Variants in EXT1 observed in about 807,000 individuals in gnomAD.
EXT1 encodes exostosin glycosyltransferase 1.
Under a neutral mutation model 82.5 loss-of-function variants are expected in EXT1, and 20 were observed. The ratio of observed to expected loss-of-function variants is 0.24; its 90% CI spans 0.17 to 0.35. EXT1 has a LOEUF of 0.35. Among genes scored for constraint, EXT1 ranks in the 10% least tolerant of loss-of-function variants. EXT1 has a pLI of 1.00. For synonymous variants in EXT1, 348 were observed against 350.8 expected, an observed-to-expected ratio of 0.99 and a Z score of 0.09; for missense variants, 757 against 936.5, an observed-to-expected ratio of 0.81 and a Z score of 2.50.
At chr8:118,028,926 G>GA in intron 1 of EXT1, among the ~76,000 whole-genome samples, 2 of 150,700 alleles carry the variant, frequency 1.3e-5, no homozygotes, top group Middle Eastern at 3.4e-3. Flanking sequence ...CCATCTCAAA[G>GA]AAAAAAAATA....
In EXT1 at chr8:117,796,076, C is replaced by T. The variant is rs1428906193; in HGVS notation, c.*3636G>A. 1 of 152,198 alleles carries T rather than the reference C, an allele frequency of 6.6e-6. No individual in the cohort carries two copies. The highest frequency in any genetic ancestry group is 2.4e-5 in the African/African-American group (1 of 41,446). 9.4% of individuals were successfully genotyped at this position (152,198 alleles called of 1,614,324 possible). ...GGAACTAGGTAAATGAATTCAGCAACTGCGGTCCTGATGTACTGGCTGCAT... is the reference window on the plus strand; with the variant it reads ...GGAACTAGGTAAATGAATTCAGCAATTGCGGTCCTGATGTACTGGCTGCAT... On this transcript the variant is annotated 3_prime_UTR_variant, in exon 11 of 11. Coordinates refer to ENST00000378204, the MANE Select transcript of EXT1 (RefSeq NM_000127.3).
chr8:118,071,999 A>C lies in EXT1; in HGVS notation c.962+38086T>G, dbSNP rs968459182. On this transcript the variant is annotated intron_variant, in intron 1 of 10. Transcript: ENST00000378204. Reference sequence around the variant, plus strand: ...GAAGCCAGGATGAAAATCTAGGTTCACTTCCCAGAATGCAACACTGCCTCT... The same window carrying C: ...GAAGCCAGGATGAAAATCTAGGTTCCCTTCCCAGAATGCAACACTGCCTCT... Among the ~76,000 whole-genome samples, 9 of 152,282 alleles carry C rather than the reference A, an allele frequency of 5.9e-5. No individual in the cohort carries two copies. The South Asian group carries it at 1.9e-3, about 32-fold the overall frequency.
At chr8:117,964,833 T>C (rs1333137174) in intron 1 of EXT1, among the ~76,000 whole-genome samples, 1 of 152,080 alleles carries the variant, frequency 6.6e-6, no homozygotes. Context: ...AGACAGGGTT[T>C]CCCTATAGTG....
intron 1 of EXT1, among the ~76,000 whole-genome samples, chr8:117,855,393 C>A (rs1296348929): frequency 6.6e-6 from 1 of 152,140 alleles, no homozygotes; most frequent in African/African-American, 2.4e-5. Flanking sequence ...TATTTCAAAA[C>A]TTTTATTGTT....
At chr8:117,964,165 T>C (rs186348267) in intron 1 of EXT1, among the ~76,000 whole-genome samples, 2 of 152,336 alleles carry the variant, frequency 1.3e-5, no homozygotes, top group East Asian at 3.9e-4. Flanking sequence ...ATTTACATTA[T>C]CTTTAAAGAT....
chr8:117,924,229 C>T (rs17475659), intron 1 of EXT1, among the ~76,000 whole-genome samples: 3,179 of 152,270 alleles, frequency 0.021, 47 homozygotes, highest in Middle Eastern at 0.048. Flanking sequence ...TGACTGCCCA[C>T]CATATGTATG....
chr8:117,874,050 A>C (rs1411757787), intron 1 of EXT1, among the ~76,000 whole-genome samples: 2 of 152,160 alleles, frequency 1.3e-5, no homozygotes, highest in African/African-American at 2.4e-5. Flanking sequence ...TAGCCTCAGC[A>C]TTAGTGTAGG....
chr8:117,959,049 T>A (rs1814643635), intron 1 of EXT1, among the ~76,000 whole-genome samples: 1 of 152,204 alleles, frequency 6.6e-6, no homozygotes, highest in Admixed American at 6.5e-5. Flanking sequence ...AAGGGGCCCT[T>A]GTTTGAACTC....
At chr8:118,023,603 G>A (rs1434993804) in intron 1 of EXT1, among the ~76,000 whole-genome samples, 5 of 152,144 alleles carry the variant, frequency 3.3e-5, no homozygotes, top group African/African-American at 1.2e-4. Flanking sequence ...AAAAATAAAT[G>A]AGGACCACGT....
At chr8:117,821,648 A>G (rs1471318627) in intron 5 of EXT1, among the ~76,000 whole-genome samples, 1 of 152,212 alleles carries the variant, frequency 6.6e-6, no homozygotes, top group Non-Finnish European at 1.5e-5. Context: ...CTAAACATGT[A>G]CAACTTAAAA....
chr8:117,813,517 G>C (rs1047121159), intron 7 of EXT1, among the ~76,000 whole-genome samples: 1 of 152,174 alleles, frequency 6.6e-6, no homozygotes, highest in Non-Finnish European at 1.5e-5. Flanking sequence ...GTGATTCCAA[G>C]TGTGGACACA....
At chr8:117,981,510 AGC>A (rs1815202342) in intron 1 of EXT1, among the ~76,000 whole-genome samples, 2 of 152,220 alleles carry the variant, frequency 1.3e-5, no homozygotes, top group Admixed American at 1.3e-4. Flanking sequence ...GGGCAAGGCA[AGC>A]AGCATGGAGC....
chr8:118,089,353 C>G (rs1342993773), intron 1 of EXT1, among the ~76,000 whole-genome samples: 1 of 152,132 alleles, frequency 6.6e-6, no homozygotes, highest in Admixed American at 6.5e-5. Context: ...AGCATTTTCA[C>G]AGCAGACTCC....
chr8:118,086,874 T>A (rs10091500), intron 1 of EXT1, among the ~76,000 whole-genome samples: 15,893 of 152,192 alleles, frequency 0.1, 1,095 homozygotes, highest in East Asian at 0.35. Context: ...TAATTTTGTG[T>A]TAGACTAGGT....
intron 1 of EXT1, among the ~76,000 whole-genome samples, chr8:118,063,247 AT>A (rs2129947024): frequency 6.6e-6 from 1 of 152,384 alleles, no homozygotes; most frequent in East Asian, 1.9e-4. Flanking sequence ...AGAAGTGCAT[AT>A]CTGCTTAGTA....
chr8:117,812,784 GGCACGGCTAAAAGAAGCATTA>G lies in EXT1; in HGVS notation c.1722+67_1722+87del. 4 of 1,214,502 alleles carry G rather than the reference GGCACGGCTAAAAGAAGCATTA, an allele frequency of 3.3e-6. No homozygotes were observed. In the South Asian group the frequency reaches 5.0e-5, roughly 15 times the overall value. The allele number at this position is 1,214,502 out of a possible 1,614,324, so 75.2% of individuals were successfully genotyped here. On this transcript the variant is annotated intron_variant, in intron 8 of 10. Coordinates refer to ENST00000378204, the MANE Select transcript of EXT1 (RefSeq NM_000127.3). ...GAAAAATGTTTTCAACTTCTGCCAA[GGCACGGCTAAAAGAAGCATTA>G]GCATCGTGCAACATGAGGTGACTGC...
rs33967253 is a variant in EXT1, at chr8:117,891,805, CTT to C, written c.963-54606_963-54605del. 7.5e-3 allele frequency among the ~76,000 whole-genome samples: 910 copies of C among 121,010 alleles called. 13 individuals carry two copies. Among genetic ancestry groups the C allele is most frequent in the African/African-American group, 0.027 (865 of 32,364 alleles). The allele number at this position is 121,010 out of a possible 152,430, so 79.4% of individuals were successfully genotyped here. On this transcript the variant is annotated intron_variant, in intron 1 of 10. Coordinates refer to ENST00000378204, the MANE Select transcript of EXT1 (RefSeq NM_000127.3). ...GCAAGAAAGGTTTTCTTTTTTCTTG[CTT>C]TTTTTTTTTTTTTTTTTGAGACGGA...
chr8:117,978,360 G>C (rs1023568041), intron 1 of EXT1, among the ~76,000 whole-genome samples: 1 of 152,174 alleles, frequency 6.6e-6, no homozygotes, highest in South Asian at 2.1e-4. Context: ...AATAGAAACT[G>C]AGTAATAAGT....
At chr8:117,880,017 C>T (rs1390182526) in intron 1 of EXT1, among the ~76,000 whole-genome samples, 19 of 152,094 alleles carry the variant, frequency 1.2e-4, no homozygotes, top group Non-Finnish European at 2.8e-4. Context: ...AATGAGTTAG[C>T]CTTTGAACCC....
Sources: allele counts gnomAD v4.1 joint callset (sites outside exome capture counted in the v4.1 genomes callset), GRCh38; gene constraint gnomAD v4.1.1; transcripts MANE v1.5; gene names NCBI Gene and HGNC (gene_info 2026-07-23, HGNC 2026-07-21).